Variants in SAXO1 observed in about 807,000 individuals in gnomAD.
SAXO1 encodes 4930500O09Rik.
In SAXO1, 21 loss-of-function variants were observed where a neutral mutation model predicts 17.5. That is an observed-to-expected ratio of 1.20 (90% CI 0.85 to 1.72). The LOEUF (loss-of-function observed/expected upper bound fraction) is 1.72, where lower values mean the gene tolerates loss of function less well. Among genes scored for constraint, SAXO1 ranks in the 40% most tolerant of loss-of-function variants. The probability of loss-of-function intolerance (pLI) is 0.00; values close to 1 mark genes in which losing one functional copy is unlikely to be tolerated. For synonymous variants in SAXO1, 274 were observed against 216.5 expected, an observed-to-expected ratio of 1.27 and a Z score of -2.33; for missense variants, 843 against 596.0, an observed-to-expected ratio of 1.41 and a Z score of -4.32.
chr9:18,974,544 G>A (rs1400346505), intron 1 of SAXO1, among the ~76,000 whole-genome samples: 2 of 152,212 alleles, frequency 1.3e-5, no homozygotes, highest in Non-Finnish European at 2.9e-5. Context: ...GTGTCAGAAA[G>A]TCAGGAAATG....
intron 1 of SAXO1, among the ~76,000 whole-genome samples, chr9:19,020,853 C>A (rs1314678233): frequency 6.6e-6 from 1 of 152,136 alleles, no homozygotes; most frequent in Non-Finnish European, 1.5e-5. Flanking sequence ...ACAATGGTGA[C>A]ATTGTTTTAA....
At chr9:18,938,967 G>A (rs1831432237) in intron 3 of SAXO1, among the ~76,000 whole-genome samples, 1 of 151,776 alleles carries the variant, frequency 6.6e-6, no homozygotes, top group Non-Finnish European at 1.5e-5. Flanking sequence ...GACAAGCAAG[G>A]AGCATTTTTC....
At chr9:18,961,743 G>T (rs1832493784) in intron 1 of SAXO1, among the ~76,000 whole-genome samples, 1 of 152,144 alleles carries the variant, frequency 6.6e-6, no homozygotes, top group Admixed American at 6.5e-5. Flanking sequence ...ATCATTGATG[G>T]GCATTTGGGT....
intron 1 of SAXO1, among the ~76,000 whole-genome samples, chr9:19,046,743 A>G (rs1354465109): frequency 6.6e-6 from 1 of 151,502 alleles, no homozygotes; most frequent in Admixed American, 6.6e-5. Context: ...GCACACACCT[A>G]TAATCCTAGC....
At chr9:18,991,175 T>C (rs1286849392) in intron 1 of SAXO1, among the ~76,000 whole-genome samples, 3 of 152,080 alleles carry the variant, frequency 2.0e-5, no homozygotes, top group Admixed American at 6.5e-5. Context: ...TGAGAATCAC[T>C]TGAACCTGGG....
chr9:18,937,146 C>T (rs1417653527), intron 3 of SAXO1, among the ~76,000 whole-genome samples: 2 of 152,160 alleles, frequency 1.3e-5, no homozygotes, highest in African/African-American at 4.8e-5. Flanking sequence ...AACATGTCAC[C>T]CAAGGGGTGA....
intron 1 of SAXO1, among the ~76,000 whole-genome samples, chr9:18,993,097 G>A (rs1833872605): frequency 6.6e-6 from 1 of 151,770 alleles, no homozygotes; most frequent in Non-Finnish European, 1.5e-5. Context: ...ACCATGCCCA[G>A]CCAGAACAAT....
At chr9:18,989,245 T>C (rs1362718702) in intron 1 of SAXO1, among the ~76,000 whole-genome samples, 2 of 152,196 alleles carry the variant, frequency 1.3e-5, no homozygotes, top group Non-Finnish European at 2.9e-5. Context: ...TGCCTCTTTC[T>C]TTTCCTTCCC....
intron 3 of SAXO1, among the ~76,000 whole-genome samples, chr9:18,934,634 T>G (rs4977475): frequency 6.6e-6 from 1 of 152,208 alleles, no homozygotes; most frequent in South Asian, 2.1e-4. Flanking sequence ...TTTGAAATAT[T>G]TGTCTGCGAT....
intron 1 of SAXO1, among the ~76,000 whole-genome samples, chr9:18,968,434 C>T (rs10963881): frequency 1.8e-4 from 28 of 152,086 alleles, no homozygotes; most frequent in East Asian, 1.5e-3. Context: ...GTGACAGATA[C>T]GTAGCCATTC....
At chr9:18,961,220 G>A (rs913795773) in intron 1 of SAXO1, among the ~76,000 whole-genome samples, 2 of 151,662 alleles carry the variant, frequency 1.3e-5, no homozygotes, top group Admixed American at 6.6e-5. Context: ...AGGCTAGAGT[G>A]CAGTGGTGCA....
intron 1 of SAXO1, among the ~76,000 whole-genome samples, chr9:18,999,516 G>GA (rs1834158861): frequency 8.6e-6 from 1 of 115,996 alleles, no homozygotes; most frequent in African/African-American, 3.3e-5. Context: ...AAGTGAGGAG[G>GA]CCTCTGCCCG....
intron 1 of SAXO1, among the ~76,000 whole-genome samples, chr9:19,042,090 A>T (rs532379434): frequency 7.9e-6 from 1 of 127,318 alleles, no homozygotes; most frequent in South Asian, 2.7e-4. Flanking sequence ...AAACAACTCT[A>T]TGGGAAAAAA....
intron 1 of SAXO1, among the ~76,000 whole-genome samples, chr9:19,044,025 A>C (rs1474931216): frequency 6.6e-6 from 1 of 151,752 alleles, no homozygotes; most frequent in Non-Finnish European, 1.5e-5. Context: ...GGTGCCTGTA[A>C]TACCAGCTAC....
At chr9:18,997,740 G>A (rs1834068231) in intron 1 of SAXO1, among the ~76,000 whole-genome samples, 1 of 152,190 alleles carries the variant, frequency 6.6e-6, no homozygotes, top group Non-Finnish European at 1.5e-5. Context: ...ATACAGGTGG[G>A]TGCCGATCAA....
intron 1 of SAXO1, among the ~76,000 whole-genome samples, chr9:19,016,227 G>C (rs1834969436): frequency 6.6e-6 from 1 of 152,122 alleles, no homozygotes; most frequent in South Asian, 2.1e-4. Flanking sequence ...ACTGAGGTCG[G>C]GAGTTCGAGA....
chr9:19,029,653 A>G (rs946464304), intron 1 of SAXO1, among the ~76,000 whole-genome samples: 2 of 152,200 alleles, frequency 1.3e-5, no homozygotes, highest in African/African-American at 2.4e-5. Flanking sequence ...GTCCAACAGA[A>G]CTTTCCGCAG....
chr9:19,000,010 G>A (rs1404388090), intron 1 of SAXO1, among the ~76,000 whole-genome samples: 1 of 138,774 alleles, frequency 7.2e-6, no homozygotes, highest in African/African-American at 2.7e-5. Context: ...CTGCCCGGCT[G>A]TCCCACTGTC....
chr9:19,019,800 A>G (rs1835148050), intron 1 of SAXO1, among the ~76,000 whole-genome samples: 2 of 152,152 alleles, frequency 1.3e-5, no homozygotes, highest in South Asian at 2.1e-4. Flanking sequence ...AAAATTCTTT[A>G]TTAGTATTGA....
Sources: gnomAD v4.1 joint callset for allele counts (sites outside exome capture counted in the v4.1 genomes callset) on GRCh38, gnomAD v4.1.1 for gene constraint, MANE v1.5 for transcripts, NCBI Gene and HGNC (gene_info 2026-07-23, HGNC 2026-07-21) for gene names.